The following RB1 variants were observed in gnomAD, a reference collection of about 807,000 sequenced individuals.
RB1 encodes RB transcriptional corepressor 1, also known as retinoblastoma-associated protein.
Under a neutral mutation model 135.4 loss-of-function variants are expected in RB1, and 18 were observed. The ratio of observed to expected loss-of-function variants is 0.13; its 90% CI spans 0.09 to 0.20. The LOEUF (loss-of-function observed/expected upper bound fraction) is 0.20, where lower values mean the gene tolerates loss of function less well. Among genes scored for constraint, RB1 ranks in the 10% least tolerant of loss-of-function variants. The pLI is 1.00. For missense variants in RB1, 868 were observed against 1,110.0 expected (o/e 0.78, Z 3.10); for synonymous variants, 365 against 373.2 (o/e 0.98, Z 0.25).
chr13:48,317,121 A>C (rs867012960), intron 2 of RB1: 45 of 911,736 alleles, frequency 4.9e-5, no homozygotes, highest in Middle Eastern at 8.5e-4. Flanking sequence ...GCTTCCAAAG[A>C]CAGGGCTGGG....
intron 2 of RB1, chr13:48,332,921 G>A (rs550955429): frequency 5.0e-6 from 2 of 396,998 alleles, no homozygotes; most frequent in East Asian, 7.1e-5. Flanking sequence ...ATTAGCCACA[G>A]TAAGAGATTA....
chr13:48,380,660 A>G (rs1948528098), intron 16 of RB1, among the ~76,000 whole-genome samples: 1 of 152,228 alleles, frequency 6.6e-6, no homozygotes, highest in East Asian at 1.9e-4. Flanking sequence ...GGCCAATTAC[A>G]ATGTTTTTAA....
intron 2 of RB1, among the ~76,000 whole-genome samples, chr13:48,321,323 A>G (rs1952237047): frequency 6.9e-6 from 1 of 144,218 alleles, no homozygotes; most frequent in Admixed American, 6.8e-5. Context: ...ACTTAGCATA[A>G]TGGTCTCCCT....
chr13:48,393,396 C>A (rs757601902), intron 17 of RB1, among the ~76,000 whole-genome samples: 2 of 152,208 alleles, frequency 1.3e-5, no homozygotes, highest in Non-Finnish European at 2.9e-5. Flanking sequence ...GGACCATAAA[C>A]TGTCCCCAGG....
At chr13:48,456,494 A>G in intron 19 of RB1, 145 bp downstream of exon 19, 1 of 1,290,734 alleles carries the variant, frequency 7.7e-7, no homozygotes, top group South Asian at 1.4e-5. Context: ...TAAAATGGAA[A>G]TGATAATGTT....
chr13:48,412,045 G>C, intron 17 of RB1: 1 of 1,613,372 alleles, frequency 6.2e-7, no homozygotes, highest in Non-Finnish European at 8.5e-7. Flanking sequence ...TTGGTTCTTA[G>C]AGTCTTTGAC....
intron 17 of RB1, among the ~76,000 whole-genome samples, chr13:48,391,808 AG>A (rs1948612914): frequency 6.6e-6 from 1 of 151,720 alleles, no homozygotes; most frequent in Admixed American, 6.6e-5. Context: ...TAGTAGAGAA[AG>A]GGTTTCACCA....
At chr13:48,432,615 T>C (rs747845369) in intron 17 of RB1, among the ~76,000 whole-genome samples, 59 of 152,148 alleles carry the variant, frequency 3.9e-4, no homozygotes, top group Admixed American at 1.4e-3. Flanking sequence ...AGCATCCTGT[T>C]TACCTCAAGA....
chr13:48,349,495 T>C (rs1486298943), intron 6 of RB1, among the ~76,000 whole-genome samples: 1 of 151,846 alleles, frequency 6.6e-6, no homozygotes, highest in African/African-American at 2.4e-5. Context: ...TAAGATAGTA[T>C]TTGCAAGCCT....
At chr13:48,428,426 T>C (rs1003811350) in intron 17 of RB1, among the ~76,000 whole-genome samples, 11 of 144,848 alleles carry the variant, frequency 7.6e-5, no homozygotes, top group African/African-American at 2.4e-4. Context: ...GGGGAGCACA[T>C]TTCAACACGA....
At chr13:48,477,212 G>T (rs1237262413) in intron 25 of RB1, 143 bp from the exon 26 acceptor site, 2 of 655,872 alleles carry the variant, frequency 3.0e-6, no homozygotes, top group Non-Finnish European at 5.3e-6. Flanking sequence ...GTTTTAGATG[G>T]TTAGTTTTTA....
At position 48,353,915 on chromosome 13, in the gene RB1, C is replaced by A. The variant is rs191342265; in HGVS notation, c.607+4892C>A. On this transcript the variant is annotated intron_variant, in intron 6 of 26. Coordinates refer to ENST00000267163, the MANE Select transcript of RB1 (RefSeq NM_000321.3). Reference sequence around the variant, plus strand: ...CCTTCATGCCCAAAACCCTAAAAAACCTGAGGATAGAAGGAACATACCTTA... The same window carrying A: ...CCTTCATGCCCAAAACCCTAAAAAAACTGAGGATAGAAGGAACATACCTTA... 5.6e-3 allele frequency among the ~76,000 whole-genome samples: 845 copies of A among 152,072 alleles called. 5 individuals are homozygous for A. Among genetic ancestry groups the A allele is most frequent in the Middle Eastern group, 0.01 (3 of 294 alleles).
intron 17 of RB1, among the ~76,000 whole-genome samples, chr13:48,405,062 T>TA (rs996548465): frequency 1.3e-5 from 2 of 151,760 alleles, no homozygotes; most frequent in East Asian, 1.9e-4. Flanking sequence ...GAATATGCTT[T>TA]AAAAAAATGA....
intron 17 of RB1, among the ~76,000 whole-genome samples, chr13:48,421,735 G>GCC (rs1286223226): frequency 6.6e-6 from 1 of 152,184 alleles, no homozygotes; most frequent in East Asian, 1.9e-4. Context: ...CTCAAAAGAA[G>GCC]ACATTTATGT....
At chr13:48,368,663 T>A in intron 11 of RB1, 59 bp downstream of exon 11, 3 of 1,576,700 alleles carry the variant, frequency 1.9e-6, no homozygotes, top group Non-Finnish European at 2.6e-6. Context: ...CTTTATAGTG[T>A]TTCAGATTTG....
At chr13:48,373,815 G>T (rs1952790408) in intron 12 of RB1, among the ~76,000 whole-genome samples, 2 of 151,698 alleles carry the variant, frequency 1.3e-5, no homozygotes, top group South Asian at 4.1e-4. Flanking sequence ...TATTAATTTG[G>T]GATGAACTTT....
intron 17 of RB1, among the ~76,000 whole-genome samples, chr13:48,425,583 A>T (rs1949068128): frequency 6.6e-6 from 1 of 152,116 alleles, no homozygotes; most frequent in Non-Finnish European, 1.5e-5. Context: ...CTAAAAATTA[A>T]TGTGCGTCTC....
intron 2 of RB1, chr13:48,328,091 G>T (rs1952303323): frequency 1.1e-6 from 1 of 870,040 alleles, no homozygotes; most frequent in African/African-American, 1.7e-5. Context: ...AATTGTCTTG[G>T]TCATAGACAT....
intron 17 of RB1, among the ~76,000 whole-genome samples, chr13:48,409,856 G>C (rs1227944004): frequency 6.6e-6 from 1 of 151,906 alleles, no homozygotes; most frequent in Non-Finnish European, 1.5e-5. Context: ...TAGGATTACA[G>C]GTGTGAACCA....
Sources: allele counts gnomAD v4.1 joint callset (sites outside exome capture counted in the v4.1 genomes callset), GRCh38; gene constraint gnomAD v4.1.1; transcripts MANE v1.5; gene names NCBI Gene and HGNC (gene_info 2026-07-23, HGNC 2026-07-21).